Variants in OTUD4 observed in about 807,000 individuals in gnomAD.
The protein encoded by OTUD4 is OTU deubiquitinase 4.
Under a neutral mutation model 130.4 loss-of-function variants are expected in OTUD4, and 24 were observed. That is an observed-to-expected ratio of 0.18 (90% CI 0.13 to 0.26). OTUD4 has a LOEUF of 0.26. Ranked by LOEUF, OTUD4 falls within the 10% of genes least tolerant of loss-of-function variation. OTUD4 has a pLI of 1.00. For synonymous variants in OTUD4, 420 were observed against 472.5 expected (o/e 0.89, Z 1.44); for missense variants, 1,031 against 1,329.4 (o/e 0.78, Z 3.49).
At chr4:145,173,384 ACT>A (rs1426450380) in intron 2 of OTUD4, among the ~76,000 whole-genome samples, 4 of 151,604 alleles carry the variant, frequency 2.6e-5, no homozygotes, top group East Asian at 1.9e-4. Context: ...ACAGAGCGAG[ACT>A]CTGTCTCAAA....
In OTUD4 at chr4:145,171,746, T is replaced by C. The variant is rs1752179335; in HGVS notation, c.244-26A>G. ...CTGCAAAAAATAAATCTATTAGAAATGTCATCTAACATATATGCCAAAACA... is the reference window on the plus strand; with the variant it reads ...CTGCAAAAAATAAATCTATTAGAAACGTCATCTAACATATATGCCAAAACA... On this transcript the variant is annotated intron_variant, in intron 2 of 20. Transcript: ENST00000447906. The C allele has an allele frequency of 4.9e-6, 5 of 1,019,810 alleles. No homozygotes were observed. The East Asian group carries it at 1.2e-4, about 24-fold the overall frequency. The allele number at this position is 1,019,810 out of a possible 1,614,324, so 63.2% of individuals were successfully genotyped here.
intron 14 of OTUD4, 60 bp from the exon 15 acceptor site, chr4:145,144,494 A>C: frequency 6.7e-7 from 1 of 1,495,050 alleles, no homozygotes; most frequent in Non-Finnish European, 9.1e-7. Flanking sequence ...ATACATGAAC[A>C]AATTCTGTAA....
In OTUD4 at chr4:145,179,948, T is replaced by C. The variant is rs778661827; in HGVS notation, c.26A>G (p.Asp9Gly). 1.1e-4 allele frequency: 160 copies of C among 1,521,054 alleles called. No individual in the cohort carries two copies. The highest frequency in any genetic ancestry group is 2.6e-4 in the South Asian group (22 of 83,274). 94.2% of individuals were successfully genotyped at this position (1,521,054 alleles called of 1,614,324 possible). Residue 9 changes from aspartate to glycine, a missense_variant, in exon 1 of 21, where the codon GAC becomes GGC. Physicochemically the swap from Asp to Gly is moderately conservative, Grantham distance 94. Coordinates refer to ENST00000447906, the MANE Select transcript of OTUD4 (RefSeq NM_001366057.1). The stretch of plus-strand genomic sequence containing the variant: ...CCCCGCGCCGCCCTGGTCCCCGCCG[T>C]CGGGGACGCCGACGGCAGCCTCCAT... The part of the protein sequence containing the change: MEAAVGVP[D>G]GGDQGGAGPR...
At position 145,148,955 on chromosome 4, in the gene OTUD4, T is replaced by A. The variant is rs530672113; in HGVS notation, c.1259+1558A>T. 2.0e-5 allele frequency among the ~76,000 whole-genome samples: 3 copies of A among 152,290 alleles called. No homozygotes were observed. The South Asian group carries it at 6.2e-4, about 32-fold the overall frequency. On this transcript the variant is annotated intron_variant, in intron 13 of 20. Coordinates refer to ENST00000447906, the MANE Select transcript of OTUD4 (RefSeq NM_001366057.1). ...TAGTTGATTAGTGGCATAAATTCTG[T>A]CTGTTTGGGAGAGGTAATATAACGG... is the stretch of plus-strand genomic sequence containing the variant.
chr4:145,167,608 G>A (rs893837703), intron 3 of OTUD4, among the ~76,000 whole-genome samples: 36 of 152,176 alleles, frequency 2.4e-4, no homozygotes, highest in Non-Finnish European at 2.8e-4. Flanking sequence ...TGTAATCCCA[G>A]CACTTTGGGA....
Position 145,155,495 on chromosome 4 carries a change from C to A in OTUD4, c.809-20G>T. ...GCTGAGCTGTTAAAAAAAAAAAGGT[C>A]AGTATAATATAAAGTTGACTTATTT... On this transcript the variant is annotated intron_variant, in intron 9 of 20. Transcript: ENST00000447906. 6.3e-7 allele frequency: 1 copy of A among 1,598,970 alleles called. No individual in the cohort carries two copies. The highest frequency in any genetic ancestry group is 8.5e-7 in the Non-Finnish European group (1 of 1,171,440).
At chr4:145,167,538 C>T (rs940603285) in intron 3 of OTUD4, among the ~76,000 whole-genome samples, 1 of 152,140 alleles carries the variant, frequency 6.6e-6, no homozygotes, top group Non-Finnish European at 1.5e-5. Flanking sequence ...AATTTTTATA[C>T]AAGAAGTATT....
chr4:145,164,334 A>G (rs1213892373), intron 4 of OTUD4, 108 bp from the exon 5 acceptor site: 11 of 501,216 alleles, frequency 2.2e-5, no homozygotes, highest in Non-Finnish European at 3.3e-5. Context: ...CACTGTCCCA[A>G]CCACTGGAGA....
In OTUD4 at chr4:145,150,497, C is replaced by T. The variant is rs772204572; in HGVS notation, c.1259+16G>A. 5.1e-6 allele frequency: 8 copies of T among 1,557,916 alleles called. No individual in the cohort carries two copies. The East Asian group carries it at 1.4e-4, about 27-fold the overall frequency. On this transcript the variant is annotated intron_variant, in intron 13 of 20. Transcript: ENST00000447906. ...TTACTTGATTTCTATACTTCTCTTA[C>T]ATTCAAGAAGGTTACCTTATGATCT...
intron 11 of OTUD4, among the ~76,000 whole-genome samples, 193 bp from the exon 12 acceptor site, chr4:145,151,098 A>G (rs1445436813): frequency 6.6e-6 from 1 of 152,242 alleles, no homozygotes; most frequent in East Asian, 1.9e-4. Flanking sequence ...ATATAAATCA[A>G]AAGCATATTT....
In OTUD4 at chr4:145,138,200, G is replaced by A; in HGVS notation, c.2575C>T (p.Pro859Ser). 3 of 1,614,006 alleles carry A rather than the reference G, an allele frequency of 1.9e-6. No individual in the cohort carries two copies. The highest frequency in any genetic ancestry group is 2.5e-6 in the Non-Finnish European group (3 of 1,179,886). Residue 859 changes from proline to serine, a missense_variant, in exon 21 of 21, where the codon CCT becomes TCT. Physicochemically the swap from Pro to Ser is moderately conservative, Grantham distance 74. Around this residue, in one of 3 missense-constraint regions of OTUD4, gnomAD observed 900 missense variants for 1,095.9 expected, o/e 0.82. Transcript: ENST00000447906. ...AAAGGGTACCCATACCAAACATGAG[G>A]AAAGAAAGGAGGTGCAATAGGAACT... ...GPVPIAPPFFPHVWYGYPFQG... is the reference protein window; with the variant it reads ...GPVPIAPPFFSHVWYGYPFQG...
Position 145,154,694 on chromosome 4 carries a change from T to C in OTUD4, c.873+717A>G, listed in dbSNP as rs573116708. Among the ~76,000 whole-genome samples, 5 of 152,264 alleles carry C rather than the reference T, an allele frequency of 3.3e-5. No individual in the cohort carries two copies. The South Asian group carries it at 1.0e-3, about 32-fold the overall frequency. On this transcript the variant is annotated intron_variant, in intron 10 of 20. Coordinates refer to ENST00000447906, the MANE Select transcript of OTUD4 (RefSeq NM_001366057.1). Reference sequence around the variant, plus strand: ...ACTGACACTTTGGACTAGGTATTTTTTGTTAGAGGGAGATGAGGGAGGCTG... The same window carrying C: ...ACTGACACTTTGGACTAGGTATTTTCTGTTAGAGGGAGATGAGGGAGGCTG...
chr4:145,146,894 C>T (rs372746987), intron 13 of OTUD4, among the ~76,000 whole-genome samples: 1 of 152,148 alleles, frequency 6.6e-6, no homozygotes, highest in African/African-American at 2.4e-5. Flanking sequence ...CAATGAGACA[C>T]TAGGACCATC....
intron 2 of OTUD4, among the ~76,000 whole-genome samples, chr4:145,174,030 CAG>C (rs1229477065): frequency 7.4e-6 from 1 of 134,614 alleles, no homozygotes; most frequent in African/African-American, 2.9e-5. Flanking sequence ...TTTTTTGAGA[CAG>C]AGTCTCACTC....
rs1241868453 is a variant in OTUD4, at chr4:145,135,543, T to G, written c.*1887A>C. On this transcript the variant is annotated 3_prime_UTR_variant, in exon 21 of 21. Transcript: ENST00000447906. ...AGCTGAAAGTGGAGGACCCTCTATCTTCTCATTCCTTAACTGAGCCACCGA... is the reference window on the plus strand; with the variant it reads ...AGCTGAAAGTGGAGGACCCTCTATCGTCTCATTCCTTAACTGAGCCACCGA... 1.3e-5 allele frequency: 2 copies of G among 152,270 alleles called. No individual in the cohort carries two copies. The highest frequency in any genetic ancestry group is 3.9e-4 in the East Asian group (2 of 5,190). 9.4% of individuals were successfully genotyped at this position (152,270 alleles called of 1,614,324 possible). A position where few individuals can be genotyped will look rare whatever the true frequency, so the allele number is the denominator to read the frequency against.
intron 3 of OTUD4, among the ~76,000 whole-genome samples, chr4:145,167,194 A>G (rs569830039): frequency 1.3e-5 from 2 of 152,346 alleles, no homozygotes; most frequent in South Asian, 2.1e-4. Flanking sequence ...GACTTAATAC[A>G]TTAAGTCACC....
At chr4:145,164,910 C>A (rs992985052) in intron 4 of OTUD4, among the ~76,000 whole-genome samples, 3 of 152,062 alleles carry the variant, frequency 2.0e-5, no homozygotes, top group Non-Finnish European at 4.4e-5. Context: ...TAAGTGATAT[C>A]TTACAGAACA....
chr4:145,134,905 A>C lies in OTUD4; in HGVS notation c.*2525T>G, dbSNP rs1750164696. The C allele has an allele frequency of 5.0e-6, 2 of 398,924 alleles. No individual in the cohort carries two copies. The highest frequency in any genetic ancestry group is 7.1e-5 in the East Asian group (2 of 28,082). 24.7% of individuals were successfully genotyped at this position (398,924 alleles called of 1,614,324 possible). ...AATATGGTGAAGTTTCATAATTTCC[A>C]ACTCAAAAATACAAATGATCCTCAG... On this transcript the variant is annotated 3_prime_UTR_variant, in exon 21 of 21. Coordinates refer to ENST00000447906, the MANE Select transcript of OTUD4 (RefSeq NM_001366057.1).
At chr4:145,172,142 C>A (rs1752201715) in intron 2 of OTUD4, among the ~76,000 whole-genome samples, 1 of 152,170 alleles carries the variant, frequency 6.6e-6, no homozygotes, top group South Asian at 2.1e-4. Context: ...CAAAGGGGGG[C>A]CTGTTTACAG....
Sources: allele counts gnomAD v4.1 joint callset (sites outside exome capture counted in the v4.1 genomes callset), GRCh38; gene constraint gnomAD v4.1.1; regional missense constraint gnomAD v4.1.1; transcripts MANE v1.5; gene names NCBI Gene and HGNC (gene_info 2026-07-23, HGNC 2026-07-21).